ITGB4: variants seen among roughly 807,000 people sequenced by gnomAD.
ITGB4 encodes the protein integrin subunit beta 4.
Under a neutral mutation model 207.6 loss-of-function variants are expected in ITGB4, and 159 were observed. That is an observed-to-expected ratio of 0.77 (90% CI 0.67 to 0.87). ITGB4 has a LOEUF of 0.87. ITGB4 is among the 40% of genes least tolerant of loss of function. ITGB4 has a pLI of 0.00. For synonymous variants in ITGB4, 1,020 were observed against 1,062.7 expected, an observed-to-expected ratio of 0.96 and a Z score of 0.78; for missense variants, 2,278 against 2,546.8, an observed-to-expected ratio of 0.89 and a Z score of 2.27.
intron 8 of ITGB4, 120 bp downstream of exon 8, chr17:75,730,624 C>G (rs1342867448): frequency 2.6e-6 from 3 of 1,140,542 alleles, no homozygotes; most frequent in Non-Finnish European, 3.7e-6. Flanking sequence ...CTCCCTCCCT[C>G]TTTTCCTCCC....
intron 30 of ITGB4, chr17:75,751,544 A>T: frequency 3.9e-6 from 1 of 257,412 alleles, no homozygotes; most frequent in Non-Finnish European, 7.7e-6. Context: ...TGAGGTCAGG[A>T]GTTCAAGACC....
rs2060890220 is a variant in ITGB4 at position 75,732,815 on chromosome 17, G to C, written c.1454+576G>C. Among the ~76,000 whole-genome samples, 1 of 152,170 alleles carries C rather than the reference G, an allele frequency of 6.6e-6. No homozygotes were observed. The highest frequency in any genetic ancestry group is 1.9e-4 in the East Asian group (1 of 5,200). ...TAAAATGGGACAGCAGGCCAGGCGAGGTGGCTCACACCTGTAATCCCAGCA... is the reference window on the plus strand; with the variant it reads ...TAAAATGGGACAGCAGGCCAGGCGACGTGGCTCACACCTGTAATCCCAGCA... On this transcript the variant is annotated intron_variant, in intron 12 of 39. Transcript: ENST00000200181. The surrounding 1 kb of genome is among the most constrained non-coding windows in gnomAD (Gnocchi z 5.3).
chr17:75,723,100 T>C (rs1396656837), intron 1 of ITGB4, among the ~76,000 whole-genome samples: 1 of 152,220 alleles, frequency 6.6e-6, no homozygotes, highest in African/African-American at 2.4e-5. Flanking sequence ...TTGTAGCTTC[T>C]GCGTGGAGGC....
intron 30 of ITGB4, 125 bp downstream of exon 30, chr17:75,751,236 C>A: frequency 8.6e-7 from 1 of 1,161,556 alleles, no homozygotes; most frequent in Non-Finnish European, 1.2e-6. Flanking sequence ...GGCCTTCATC[C>A]TGGTCAGCGG....
rs200371855 is a variant in ITGB4 at position 75,736,628 on chromosome 17, G to A, written c.1924G>A (p.Glu642Lys). 557 of 1,602,094 alleles carry A rather than the reference G, an allele frequency of 3.5e-4. 2 individuals are homozygous for A. The Admixed American group carries it at 6.8e-3, about 20-fold the overall frequency. The change falls in exon 16 of 40, where the codon GAG (glutamate) becomes AAG (lysine). Residue 642 changes from glutamate (E) to lysine (K), a missense_variant. Physicochemically the swap from Glu to Lys is moderately conservative, Grantham distance 56. Coordinates refer to ENST00000200181, the MANE Select transcript of ITGB4 (RefSeq NM_000213.5). ...CVQCQAWGTG[E>K]KKGRTCEECN... ...GCAGTGCCAGGCGTGGGGCACCGGCGAGAAGAAGGGGCGCACGTGTGAGGA... is the reference window on the plus strand; with the variant it reads ...GCAGTGCCAGGCGTGGGGCACCGGCAAGAAGAAGGGGCGCACGTGTGAGGA...
chr17:75,739,792 A>T lies in ITGB4; in HGVS notation c.2254+87A>T. 1.2e-6 allele frequency: 2 copies of T among 1,610,122 alleles called. No individual in the cohort carries two copies. Among genetic ancestry groups the T allele is most frequent in the South Asian group, 2.2e-5 (2 of 90,994 alleles). On this transcript the variant is annotated intron_variant, in intron 19 of 39. Coordinates refer to ENST00000200181, the MANE Select transcript of ITGB4 (RefSeq NM_000213.5). The surrounding 1 kb of genome is among the most constrained non-coding windows in gnomAD (Gnocchi z 5.4). ...GGAGGGAAGCTGAACCTGGAACGGC[A>T]GAGGCTGGAGGCTCTGGGGTCCCAC...
Position 75,732,349 on chromosome 17 carries a change from T to A in ITGB4, c.1454+110T>A. On this transcript the variant is annotated intron_variant, in intron 12 of 39. Transcript: ENST00000200181. The surrounding 1 kb of genome is among the most constrained non-coding windows in gnomAD (Gnocchi z 5.3). ...TGCACCTTGTACACCTGGCTGGGGGTGGGGCGGCAATCAAAGAAACGGCTA... is the reference window on the plus strand; with the variant it reads ...TGCACCTTGTACACCTGGCTGGGGGAGGGGCGGCAATCAAAGAAACGGCTA... 1 of 1,075,906 alleles carries A rather than the reference T, an allele frequency of 9.3e-7. No homozygotes were observed. Among genetic ancestry groups the A allele is most frequent in the Non-Finnish European group, 1.4e-6 (1 of 707,338 alleles). The allele number at this position is 1,075,906 out of a possible 1,614,324, so 66.6% of individuals were successfully genotyped here.
intron 23 of ITGB4, 79 bp downstream of exon 23, chr17:75,741,084 C>G: frequency 6.7e-7 from 1 of 1,494,920 alleles, no homozygotes; most frequent in Non-Finnish European, 9.2e-7. Context: ...CTCGTCCGTC[C>G]CTACTCCATC....
At position 75,724,595 on chromosome 17, in the gene ITGB4, G is replaced by A. The variant is rs900324308; in HGVS notation, c.-10-99G>A. ...GGGCGCCCTTGGTCACATTGTTGGT[G>A]CTCAGAGCCTCAGTTCCCACAGCTG... On this transcript the variant is annotated intron_variant, in intron 1 of 39. Transcript: ENST00000200181. 8.3e-6 allele frequency: 8 copies of A among 958,660 alleles called. No individual in the cohort carries two copies. The African/African-American group carries it at 1.3e-4, about 15-fold the overall frequency. The allele number at this position is 958,660 out of a possible 1,614,324, so 59.4% of individuals were successfully genotyped here.
chr17:75,751,405 T>C (rs1022400157), intron 30 of ITGB4, among the ~76,000 whole-genome samples: 2 of 152,084 alleles, frequency 1.3e-5, no homozygotes, highest in African/African-American at 4.8e-5. Flanking sequence ...AGCTCACACG[T>C]GCATGGTTTT....
chr17:75,737,749 T>A, intron 18 of ITGB4, 105 bp downstream of exon 18: 1 of 898,018 alleles, frequency 1.1e-6, no homozygotes, highest in Non-Finnish European at 1.7e-6. Flanking sequence ...AGTTCTCATC[T>A]CCCCAGGGTC....
intron 32 of ITGB4, among the ~76,000 whole-genome samples, 187 bp from the exon 33 acceptor site, chr17:75,753,578 A>G (rs1409825972): frequency 6.6e-6 from 1 of 152,114 alleles, no homozygotes; most frequent in Non-Finnish European, 1.5e-5. Flanking sequence ...TCAGCCGCGC[A>G]AGGGTTTCAC....
intron 26 of ITGB4, among the ~76,000 whole-genome samples, chr17:75,748,011 A>G (rs1555740885): frequency 6.6e-6 from 1 of 151,994 alleles, no homozygotes; most frequent in Admixed American, 6.6e-5. Flanking sequence ...GTGGTCTTCT[A>G]TGTGAAGGAT....
Position 75,743,706 on chromosome 17 carries a change from C to CT in ITGB4, c.2963-5dup, listed in dbSNP as rs780363841. 70 of 1,613,346 alleles carry CT rather than the reference C, an allele frequency of 4.3e-5. No individual in the cohort carries two copies. Among genetic ancestry groups the CT allele is most frequent in the Middle Eastern group, 1.6e-4 (1 of 6,084 alleles). On this transcript the variant is annotated splice_polypyrimidine_tract_variant and splice_region_variant and intron_variant, in intron 25 of 39. Transcript: ENST00000200181. ...CACACTCTGACAAATGCCCGGGCTC[C>CT]TTGCAGCCAGAGACGTGGTGTCCTT...
rs1568362283 is a variant in ITGB4 at position 75,739,640 on chromosome 17, C to T, written c.2221-32C>T. Reference sequence around the variant, plus strand: ...CTTACCTGGGCCAGGGCAGCTGTCTCAGGCCTCACCCTCACCCACCTTGTC... The same window carrying T: ...CTTACCTGGGCCAGGGCAGCTGTCTTAGGCCTCACCCTCACCCACCTTGTC... On this transcript the variant is annotated intron_variant, in intron 18 of 39. Transcript: ENST00000200181. This position sits in a 1 kb window ranked among gnomAD's most constrained non-coding sequence, Gnocchi z 5.4. The T allele has an allele frequency of 1.2e-6, 2 of 1,613,986 alleles. No homozygotes were observed. The highest frequency in any genetic ancestry group is 1.1e-5 in the South Asian group (1 of 91,088).
rs199526257 is a variant in ITGB4, at chr17:75,756,426, C to T, written c.4709-3C>T. The T allele has an allele frequency of 1.7e-5, 28 of 1,613,248 alleles. No individual in the cohort carries two copies. The Admixed American group carries it at 3.7e-4, about 21-fold the overall frequency. On this transcript the variant is annotated splice_polypyrimidine_tract_variant and splice_region_variant and intron_variant, in intron 35 of 39. Coordinates refer to ENST00000200181, the MANE Select transcript of ITGB4 (RefSeq NM_000213.5). ...ACTGTGTGCCCCCACCTGATCCCCC[C>T]AGGTGAGCTGCATCGGCTCAACATC...
At chr17:75,749,143 C>T (rs756468110) in intron 27 of ITGB4, 98 bp downstream of exon 27, 177 of 948,988 alleles carry the variant, frequency 1.9e-4, no homozygotes, top group Middle Eastern at 3.1e-4. Context: ...AAACACAGGA[C>T]GCCCAGGTAA....
intron 32 of ITGB4, among the ~76,000 whole-genome samples, chr17:75,753,366 G>C (rs1400562627): frequency 6.6e-6 from 1 of 152,152 alleles, no homozygotes; most frequent in Non-Finnish European, 1.5e-5. Flanking sequence ...GGTGGCTTGC[G>C]GAACGGTCCC....
Position 75,732,123 on chromosome 17 carries a change from G to C in ITGB4, c.1378-40G>C. On this transcript the variant is annotated intron_variant, in intron 11 of 39. Coordinates refer to ENST00000200181, the MANE Select transcript of ITGB4 (RefSeq NM_000213.5). The surrounding 1 kb of genome is among the most constrained non-coding windows in gnomAD (Gnocchi z 5.3). ...GGAAGTGTCCAGTGGCCCCGGTCCT[G>C]CTCCCCCGACGCACCCCACCATGGT... 2 of 1,612,252 alleles carry C rather than the reference G, an allele frequency of 1.2e-6. No individual in the cohort carries two copies. Among genetic ancestry groups the C allele is most frequent in the Non-Finnish European group, 1.7e-6 (2 of 1,178,628 alleles).
Sources: allele counts gnomAD v4.1 joint callset (sites outside exome capture counted in the v4.1 genomes callset), GRCh38; gene constraint gnomAD v4.1.1; non-coding constraint Gnocchi (gnomAD v3.1); transcripts MANE v1.5; gene names NCBI Gene and HGNC (gene_info 2026-07-23, HGNC 2026-07-21).